SP1: variants seen among roughly 807,000 people sequenced by gnomAD.
SP1 encodes transcription factor Sp1.
A neutral mutation model predicts 66.3 loss-of-function variants in SP1; 6 were observed. The observed-to-expected ratio is 0.09, with a 90% CI of 0.05 to 0.18. SP1 has a LOEUF of 0.18. Among genes scored for constraint, SP1 ranks in the 10% least tolerant of loss-of-function variants. SP1 has a pLI of 1.00. For synonymous variants in SP1, 417 were observed against 360.8 expected (o/e 1.16, Z -1.77); for missense variants, 848 against 964.5 (o/e 0.88, Z 1.60).
intron 4 of SP1, among the ~76,000 whole-genome samples, chr12:53,407,264 A>T (rs1479081321): frequency 6.6e-6 from 1 of 152,010 alleles, no homozygotes; most frequent in African/African-American, 2.4e-5. Flanking sequence ...GCCGATCTCT[A>T]CAAAAATTTA....
chr12:53,392,652 C>T (rs917508291), intron 3 of SP1, among the ~76,000 whole-genome samples: 3 of 151,002 alleles, frequency 2.0e-5, no homozygotes, highest in South Asian at 2.1e-4. Context: ...CCACCGCGCC[C>T]GGCCTAATTT....
At position 53,382,128 on chromosome 12, in the gene SP1, T is replaced by G. The variant is rs1202596377; in HGVS notation, c.181T>G (p.Leu61Val). ...GGGQESQPSP[L>V]ALLAATCSRI... Reference sequence around the variant, plus strand: ...CGGCCAGGAGTCCCAGCCATCCCCTTTGGCTCTGCTGGCAGCAACTTGCAG... The same window carrying G: ...CGGCCAGGAGTCCCAGCCATCCCCTGTGGCTCTGCTGGCAGCAACTTGCAG... Residue 61 changes from leucine (L) to valine (V), a missense_variant, in exon 3 of 6, where the codon TTG (leucine) becomes GTG (valine). Leu to Val is a conservative substitution (Grantham distance 32). Transcript: ENST00000327443. 1 of 1,613,934 alleles carries G rather than the reference T, an allele frequency of 6.2e-7. No individual in the cohort carries two copies. The highest frequency in any genetic ancestry group is 8.5e-7 in the Non-Finnish European group (1 of 1,179,998).
intron 4 of SP1, 119 bp downstream of exon 4, chr12:53,406,872 T>C (rs1049765814): frequency 7.5e-6 from 6 of 803,842 alleles, no homozygotes; most frequent in Non-Finnish European, 9.4e-6. Context: ...TTGCCCAGGC[T>C]GGAGTGCAGT....
intron 3 of SP1, among the ~76,000 whole-genome samples, chr12:53,384,798 A>G (rs2136891190): frequency 6.6e-6 from 1 of 151,852 alleles, no homozygotes; most frequent in Admixed American, 6.6e-5. Context: ...CGGCTGGGGC[A>G]ACATGGCGAA....
At chr12:53,392,247 C>G (rs918343189) in intron 3 of SP1, among the ~76,000 whole-genome samples, 1 of 151,838 alleles carries the variant, frequency 6.6e-6, no homozygotes, top group East Asian at 1.9e-4. Context: ...GTGGCGTGAT[C>G]TCGGCTCACT....
At chr12:53,380,749 C>A in intron 1 of SP1, 1 of 691,894 alleles carries the variant, frequency 1.4e-6, no homozygotes, top group Non-Finnish European at 1.8e-6. Context: ...CCCCCGCCCC[C>A]CACCGTCCCG....
At position 53,382,970 on chromosome 12, in the gene SP1, T is replaced by A. The variant is rs756292598; in HGVS notation, c.1023T>A (p.Phe341Leu). The A allele has an allele frequency of 1.2e-6, 2 of 1,614,156 alleles. No individual in the cohort carries two copies. Among genetic ancestry groups the A allele is most frequent in the South Asian group, 2.2e-5 (2 of 91,086 alleles). ...CCAGCAACATGGGAATTATGAACTT[T>A]ACTACCAGTGGATCATCAGGGACCA... ...TTTSNMGIMN[F>L]TTSGSSGTNS... Residue 341 changes from phenylalanine to leucine, a missense_variant, in exon 3 of 6, where the codon TTT becomes TTA. Physicochemically the swap from Phe to Leu is conservative, Grantham distance 22. Coordinates refer to ENST00000327443, the MANE Select transcript of SP1 (RefSeq NM_138473.3).
At chr12:53,410,133 C>G (rs1416283247) in intron 5 of SP1, among the ~76,000 whole-genome samples, 1 of 151,948 alleles carries the variant, frequency 6.6e-6, no homozygotes, top group South Asian at 2.1e-4. Context: ...ATGGGGAAAC[C>G]CTGTCTCTAC....
Position 53,402,968 on chromosome 12 carries a change from C to CA in SP1, c.1676-3616dup, listed in dbSNP as rs199669549. Reference sequence around the variant, plus strand: ...AGCCTGGGCGACAGAGATTCCATCTCAGAAAAAAAAAAAAAATGCAGAAAT... The same window carrying CA: ...AGCCTGGGCGACAGAGATTCCATCTCAAGAAAAAAAAAAAAAATGCAGAAAT... On this transcript the variant is annotated intron_variant, in intron 3 of 5. Transcript: ENST00000327443. 2.6e-3 allele frequency among the ~76,000 whole-genome samples: 332 copies of CA among 128,954 alleles called. 3 individuals carry two copies. Among genetic ancestry groups the CA allele is most frequent in the East Asian group, 0.016 (67 of 4,148 alleles). The allele number at this position is 128,954 out of a possible 152,430, so 84.6% of individuals were successfully genotyped here.
chr12:53,382,103 C>G lies in SP1; in HGVS notation c.163-7C>G. ...TAACTCCTTTCCTCTCCCTTATTTTCGGCCAGGAGTCCCAGCCATCCCCTT... is the reference window on the plus strand; with the variant it reads ...TAACTCCTTTCCTCTCCCTTATTTTGGGCCAGGAGTCCCAGCCATCCCCTT... On this transcript the variant is annotated splice_region_variant and splice_polypyrimidine_tract_variant and intron_variant, in intron 2 of 5. Coordinates refer to ENST00000327443, the MANE Select transcript of SP1 (RefSeq NM_138473.3). 6 of 1,612,438 alleles carry G rather than the reference C, an allele frequency of 3.7e-6. No individual in the cohort carries two copies. The highest frequency in any genetic ancestry group is 5.1e-6 in the Non-Finnish European group (6 of 1,179,090).
rs1939000867 is a variant in SP1, at chr12:53,416,439, A to G, written c.*5199A>G. The stretch of plus-strand genomic sequence containing the variant: ...TGTAAACCAATTAAAAAGTTTTTTA[A>G]TAAAAAACCATGTCTCTGGTGTATT... On this transcript the variant is annotated 3_prime_UTR_variant, in exon 6 of 6. Transcript: ENST00000327443. 1 of 151,556 alleles carries G rather than the reference A, an allele frequency of 6.6e-6. No homozygotes were observed. Among genetic ancestry groups the G allele is most frequent in the African/African-American group, 2.4e-5 (1 of 41,070 alleles). The allele number at this position is 151,556 out of a possible 1,614,324, so 9.4% of individuals were successfully genotyped here.
intron 1 of SP1, 107 bp downstream of exon 1, chr12:53,380,405 G>A (rs1938055869): frequency 6.9e-6 from 7 of 1,007,400 alleles, no homozygotes; most frequent in South Asian, 5.2e-5. Flanking sequence ...GCGGGAGGCG[G>A]CGGCGGCGGC....
At chr12:53,404,586 G>A (rs1427108211) in intron 3 of SP1, among the ~76,000 whole-genome samples, 1 of 151,748 alleles carries the variant, frequency 6.6e-6, no homozygotes, top group Non-Finnish European at 1.5e-5. Flanking sequence ...TTTTACCAGT[G>A]GCCTAGAGCT....
At chr12:53,380,416 G>T (rs1410994708) in intron 1 of SP1, 118 bp downstream of exon 1, 1 of 931,492 alleles carries the variant, frequency 1.1e-6, no homozygotes, top group Non-Finnish European at 1.5e-6. Context: ...CGGCGGCGGC[G>T]GCCTAGGTCC....
At chr12:53,380,670 C>T in intron 1 of SP1, 1 of 989,818 alleles carries the variant, frequency 1.0e-6, no homozygotes, top group South Asian at 4.7e-5. Flanking sequence ...AACCGCCTGC[C>T]TGGTCCGCCC....
intron 3 of SP1, among the ~76,000 whole-genome samples, chr12:53,388,207 G>A (rs1938271803): frequency 6.6e-6 from 1 of 152,140 alleles, no homozygotes; most frequent in Non-Finnish European, 1.5e-5. Context: ...CTCTTAGATT[G>A]AAGTGCCCGG....
intron 3 of SP1, among the ~76,000 whole-genome samples, chr12:53,398,977 T>A (rs1012080407): frequency 3.3e-5 from 5 of 152,186 alleles, no homozygotes; most frequent in African/African-American, 1.2e-4. Context: ...TATATATAGT[T>A]TTGTCAATAT....
intron 3 of SP1, among the ~76,000 whole-genome samples, chr12:53,386,556 A>G (rs544035519): frequency 1.3e-3 from 181 of 141,290 alleles, no homozygotes; most frequent in Non-Finnish European, 2.0e-3. Flanking sequence ...GAGTGGTGCA[A>G]TCTCCGCTCA....
At position 53,382,970 on chromosome 12, in the gene SP1, T is replaced by C; in HGVS notation, c.1023T>C (p.Phe341=). 1 of 1,614,156 alleles carries C rather than the reference T, an allele frequency of 6.2e-7. No homozygotes were observed. Among genetic ancestry groups the C allele is most frequent in the Non-Finnish European group, 8.5e-7 (1 of 1,180,042 alleles). Residue 341 remains phenylalanine (F), a synonymous_variant, in exon 3 of 6, where the codon TTT becomes TTC. Transcript: ENST00000327443. The part of the protein sequence containing the change: ...TTTSNMGIMN[F]TTSGSSGTNS... ...CCAGCAACATGGGAATTATGAACTT[T>C]ACTACCAGTGGATCATCAGGGACCA...
Sources: gnomAD v4.1 joint callset for allele counts (sites outside exome capture counted in the v4.1 genomes callset) on GRCh38, gnomAD v4.1.1 for gene constraint, MANE v1.5 for transcripts, NCBI Gene and HGNC (gene_info 2026-07-23, HGNC 2026-07-21) for gene names.